Variants in UBN1 observed in about 807,000 individuals in gnomAD.
UBN1 encodes ubinuclein-1.
In UBN1, 17 loss-of-function variants were observed where a neutral mutation model predicts 108.5. That is an observed-to-expected ratio of 0.16 (90% confidence interval 0.11 to 0.24). The LOEUF is 0.24. Among genes scored for constraint, UBN1 ranks in the 10% least tolerant of loss-of-function variants. UBN1 has a pLI of 1.00. For synonymous variants in UBN1, 726 were observed against 564.2 expected, an observed-to-expected ratio of 1.29 and a Z score of -4.07; for missense variants, 1,595 against 1,394.4, an observed-to-expected ratio of 1.14 and a Z score of -2.29.
chr16:4,864,956 A>C (rs1011170577), intron 7 of UBN1, among the ~76,000 whole-genome samples: 1 of 152,226 alleles, frequency 6.6e-6, no homozygotes, highest in Non-Finnish European at 1.5e-5. Flanking sequence ...AGTATATAAG[A>C]TTTTGAGCTG....
Position 4,859,126 on chromosome 16 carries a change from C to G in UBN1, c.534C>G (p.Asp178Glu), listed in dbSNP as rs1322056232. The change falls in exon 5 of 18, where the codon GAC becomes GAG. Residue 178 changes from aspartate (D) to glutamate (E), a missense_variant. Physicochemically the swap from Asp to Glu is conservative, Grantham distance 45. Coordinates refer to ENST00000262376, the MANE Select transcript of UBN1 (RefSeq NM_001079514.3). ...QFRQASESED[D>E]FIKEKKKKSP... ...GACAAGCATCAGAGTCTGAAGATGA[C>G]TTCATTAAAGAAAAGAAGAAAAAAT... 6.2e-7 allele frequency: 1 copy of G among 1,613,736 alleles called. No homozygotes were observed. Among genetic ancestry groups the G allele is most frequent in the South Asian group, 1.1e-5 (1 of 90,986 alleles).
At chr16:4,871,030 C>T (rs773191778) in intron 11 of UBN1, 58 bp downstream of exon 11, 153 of 1,608,064 alleles carry the variant, frequency 9.5e-5, no homozygotes, top group African/African-American at 2.7e-4. Flanking sequence ...TGTCTGAGCA[C>T]GTCCCCTATT....
At chr16:4,852,822 C>T in intron 1 of UBN1, 57 bp from the exon 2 acceptor site, 1 of 1,421,670 alleles carries the variant, frequency 7.0e-7, no homozygotes. Flanking sequence ...TTTAATTAGG[C>T]AGGTAAACTA....
chr16:4,850,025 T>G (rs1379307868), intron 1 of UBN1, among the ~76,000 whole-genome samples: 1 of 150,172 alleles, frequency 6.7e-6, no homozygotes, highest in Non-Finnish European at 1.5e-5. Flanking sequence ...GTCTAATAGA[T>G]AAATGTAAGT....
chr16:4,871,392 G>A (rs1016666351), intron 12 of UBN1, 91 bp downstream of exon 12: 1 of 1,523,126 alleles, frequency 6.6e-7, no homozygotes, highest in Non-Finnish European at 8.8e-7. Context: ...CTTGCTCACA[G>A]GGAGTCACTG....
chr16:4,872,217 G>C, intron 12 of UBN1: 1 of 985,362 alleles, frequency 1.0e-6, no homozygotes, highest in Non-Finnish European at 1.2e-6. Flanking sequence ...CGTTTTTGTT[G>C]AGTTTCTCTG....
At chr16:4,873,333 C>T (rs1489440657) in intron 14 of UBN1, among the ~76,000 whole-genome samples, 1 of 152,168 alleles carries the variant, frequency 6.6e-6, no homozygotes, top group Non-Finnish European at 1.5e-5. Flanking sequence ...TGGCAGCCCT[C>T]TGAGGAGTCA....
At chr16:4,879,575 T>C (rs2088018421) in intron 17 of UBN1, among the ~76,000 whole-genome samples, 1 of 152,252 alleles carries the variant, frequency 6.6e-6, no homozygotes, top group Non-Finnish European at 1.5e-5. Context: ...CTTCAGCTTA[T>C]AGGATGACAC....
chr16:4,879,857 G>A (rs2088026728), intron 17 of UBN1, among the ~76,000 whole-genome samples: 1 of 152,202 alleles, frequency 6.6e-6, no homozygotes, highest in African/African-American at 2.4e-5. Context: ...ACTGTGCTGA[G>A]TGACCACCGA....
chr16:4,877,814 G>T lies in UBN1; in HGVS notation c.3355+340G>T. On this transcript the variant is annotated intron_variant, in intron 17 of 17. Coordinates refer to ENST00000262376, the MANE Select transcript of UBN1 (RefSeq NM_001079514.3). This position sits in a 1 kb window ranked among gnomAD's most constrained non-coding sequence, Gnocchi z 4.3. ...TCTTCAGTTTAAAAAAAAAAAAAAA[G>T]GGAAGGTAATGGTGCATCTTCTCCA... The T allele has an allele frequency of 1.4e-6, 1 of 721,356 alleles. No individual in the cohort carries two copies. The highest frequency in any genetic ancestry group is 1.7e-6 in the Non-Finnish European group (1 of 586,246). The allele number at this position is 721,356 out of a possible 1,614,324, so 44.7% of individuals were successfully genotyped here. A position where few individuals can be genotyped will look rare whatever the true frequency, so the allele number is the denominator to read the frequency against.
At position 4,880,340 on chromosome 16, in the gene UBN1, T is replaced by C. The variant is rs2088041632; in HGVS notation, c.*208T>C. The C allele has an allele frequency of 3.5e-6, 2 of 571,918 alleles. No homozygotes were observed. The highest frequency in any genetic ancestry group is 3.7e-5 in the African/African-American group (2 of 53,454). 35.4% of individuals were successfully genotyped at this position (571,918 alleles called of 1,614,324 possible). A position where few individuals can be genotyped will look rare whatever the true frequency, so the allele number is the denominator to read the frequency against. ...TGCTCAGGAGGTGCAGACTGCCCCGTGCTCTGGGCCTTGCAGCTCTGTCGC... is the reference window on the plus strand; with the variant it reads ...TGCTCAGGAGGTGCAGACTGCCCCGCGCTCTGGGCCTTGCAGCTCTGTCGC... On this transcript the variant is annotated 3_prime_UTR_variant, in exon 18 of 18. Coordinates refer to ENST00000262376, the MANE Select transcript of UBN1 (RefSeq NM_001079514.3).
rs754530405 is a variant in UBN1 at position 4,874,871 on chromosome 16, T to A, written c.2461T>A (p.Ser821Thr). 6.2e-7 allele frequency: 1 copy of A among 1,613,964 alleles called. No individual in the cohort carries two copies. Among genetic ancestry groups the A allele is most frequent in the South Asian group, 1.1e-5 (1 of 91,076 alleles). Residue 821 changes from serine (S) to threonine (T), a missense_variant, in exon 15 of 18, where the codon TCT (serine) becomes ACT (threonine). Physicochemically the swap from Ser to Thr is moderately conservative, Grantham distance 58 (BLOSUM62 1). Coordinates refer to ENST00000262376, the MANE Select transcript of UBN1 (RefSeq NM_001079514.3). ...TQQQKNFTPP[S>T]PFANKLQGPK... is the part of the protein sequence containing the mutation. ...GCAGCAGAAAAACTTCACGCCCCCATCTCCATTTGCCAATAAGCTCCAAGG... is the reference window on the plus strand; with the variant it reads ...GCAGCAGAAAAACTTCACGCCCCCAACTCCATTTGCCAATAAGCTCCAAGG...
chr16:4,849,925 A>G (rs181305897), intron 1 of UBN1, among the ~76,000 whole-genome samples: 62 of 131,202 alleles, frequency 4.7e-4, no homozygotes, highest in African/African-American at 1.8e-3. Context: ...CAGCCTGGGC[A>G]ACAGGAGTGA....
At chr16:4,870,808 A>C (rs1477095651) in intron 10 of UBN1, 36 bp from the exon 11 acceptor site, 1 of 1,611,636 alleles carries the variant, frequency 6.2e-7, no homozygotes. Flanking sequence ...GGGCAGGAGC[A>C]CCTTGGGGCC....
In UBN1 at chr16:4,874,146, TCA is replaced by T; in HGVS notation, c.1801-62_1801-61del. 2.0e-6 allele frequency: 3 copies of T among 1,497,002 alleles called. No individual in the cohort carries two copies. In the East Asian group the frequency reaches 6.8e-5, roughly 34 times the overall value. The allele number at this position is 1,497,002 out of a possible 1,614,324, so 92.7% of individuals were successfully genotyped here. On this transcript the variant is annotated intron_variant, in intron 14 of 17. Coordinates refer to ENST00000262376, the MANE Select transcript of UBN1 (RefSeq NM_001079514.3). ...GACTCGAGTTCACATGTTTGTATCC[TCA>T]CAACAGGCCAATGTTGGCATCTTTG...
chr16:4,864,958 T>A (rs1388930133), intron 7 of UBN1, among the ~76,000 whole-genome samples: 3 of 152,200 alleles, frequency 2.0e-5, no homozygotes, highest in Non-Finnish European at 4.4e-5. Flanking sequence ...TATATAAGAT[T>A]TTGAGCTGGG....
At chr16:4,856,998 A>G (rs17631487) in intron 2 of UBN1, among the ~76,000 whole-genome samples, 22,339 of 152,062 alleles carry the variant, frequency 0.15, 1,872 homozygotes, top group East Asian at 0.23. Flanking sequence ...TTTTCTGTCT[A>G]CCTTGAAGTC....
intron 12 of UBN1, among the ~76,000 whole-genome samples, chr16:4,871,616 T>C (rs2087640219): frequency 7.5e-6 from 1 of 133,112 alleles, no homozygotes; most frequent in Non-Finnish European, 1.6e-5. Context: ...AGATGGAGTC[T>C]CGCTCTGTTG....
chr16:4,854,157 C>T (rs1264921771), intron 2 of UBN1, among the ~76,000 whole-genome samples: 1 of 151,972 alleles, frequency 6.6e-6, no homozygotes, highest in Non-Finnish European at 1.5e-5. Context: ...CCTCAGCCTC[C>T]CGAGTAGCTG....
Sources: gnomAD v4.1 joint callset for allele counts (sites outside exome capture counted in the v4.1 genomes callset) on GRCh38, gnomAD v4.1.1 for gene constraint, Gnocchi (gnomAD v3.1) non-coding constraint, MANE v1.5 for transcripts, NCBI Gene and HGNC (gene_info 2026-07-23, HGNC 2026-07-21) for gene names.